TADA2A: variants seen among roughly 807,000 people sequenced by gnomAD.
TADA2A encodes the protein transcriptional adaptor 2A, also known as transcriptional adapter 2-alpha.
Under a neutral mutation model 67.4 loss-of-function variants are expected in TADA2A, and 38 were observed. That is an observed-to-expected ratio of 0.56 (90% CI 0.44 to 0.74). The LOEUF is 0.74. Among genes scored for constraint, TADA2A ranks in the 30% least tolerant of loss-of-function variants. The pLI is 0.00. For synonymous variants in TADA2A, 192 were observed against 181.6 expected (o/e 1.06, Z -0.46); for missense variants, 454 against 547.0 (o/e 0.83, Z 1.70).
intron 9 of TADA2A, among the ~76,000 whole-genome samples, chr17:37,459,247 CT>C (rs34871036): frequency 2.3e-4 from 34 of 146,134 alleles, no homozygotes; most frequent in Admixed American, 4.8e-4. Context: ...TATTGTTACA[CT>C]TTTTTTTTTT....
At chr17:37,465,781 C>T (rs771691672) in intron 11 of TADA2A, 6 of 604,670 alleles carry the variant, frequency 9.9e-6, no homozygotes, top group South Asian at 2.6e-5. Context: ...TTTCTCCCTA[C>T]TTTGTATCAT....
In TADA2A at chr17:37,414,530, CT is replaced by C. The variant is rs1327891277; in HGVS notation, c.25+3142del. ...TTCATCTACTAGAATATTTTTGCAT[CT>C]TGGCCCTTTTGGCTGACAGAACTAG... On this transcript the variant is annotated intron_variant, in intron 2 of 15. Coordinates refer to ENST00000615182, the MANE Select transcript of TADA2A (RefSeq NM_001166105.3). 8.5e-5 allele frequency among the ~76,000 whole-genome samples: 13 copies of C among 152,284 alleles called. 1 individual carries two copies. Among genetic ancestry groups the C allele is most frequent in the African/African-American group, 2.4e-4 (10 of 41,572 alleles).
intron 8 of TADA2A, among the ~76,000 whole-genome samples, chr17:37,452,896 G>A (rs1285612463): frequency 6.6e-6 from 1 of 152,086 alleles, no homozygotes; most frequent in African/African-American, 2.4e-5. Context: ...ATTTGAACTT[G>A]TTAGAAATGA....
chr17:37,425,629 A>T (rs1231684192), intron 3 of TADA2A, among the ~76,000 whole-genome samples: 1 of 152,102 alleles, frequency 6.6e-6, no homozygotes. Flanking sequence ...TTCGATTATA[A>T]GATGAATCTT....
In TADA2A at chr17:37,448,055, T is replaced by A. The variant is rs1319113390; in HGVS notation, c.604+3287T>A. Among the ~76,000 whole-genome samples the A allele has an allele frequency of 3.3e-5, 5 of 152,190 alleles. No homozygotes were observed. The East Asian group carries it at 9.6e-4, about 29-fold the overall frequency. Reference sequence around the variant, plus strand: ...GTCTCTAATGAAACATGGTACATAATTCAGATTTGTGTTGTTACCATTCCA... The same window carrying A: ...GTCTCTAATGAAACATGGTACATAAATCAGATTTGTGTTGTTACCATTCCA... On this transcript the variant is annotated intron_variant, in intron 8 of 15. Coordinates refer to ENST00000615182, the MANE Select transcript of TADA2A (RefSeq NM_001166105.3).
At chr17:37,424,642 T>C (rs1444602769) in intron 3 of TADA2A, among the ~76,000 whole-genome samples, 2 of 152,054 alleles carry the variant, frequency 1.3e-5, no homozygotes, top group Non-Finnish European at 2.9e-5. Context: ...CCGCAACCTC[T>C]GCCTCCCGGG....
chr17:37,461,991 T>C, intron 9 of TADA2A, 87 bp from the exon 10 acceptor site: 2 of 1,057,212 alleles, frequency 1.9e-6, no homozygotes, highest in Admixed American at 4.4e-5. Context: ...CTCAGCATGT[T>C]TATGTCTGAT....
chr17:37,462,313 T>G (rs990487344), intron 10 of TADA2A, among the ~76,000 whole-genome samples, 192 bp downstream of exon 10: 12 of 152,118 alleles, frequency 7.9e-5, no homozygotes, highest in Non-Finnish European at 1.0e-4. Context: ...AGGGCAATTC[T>G]GATCCATAGT....
Position 37,465,534 on chromosome 17 carries a change from C to T in TADA2A, c.816C>T (p.Ser272=), listed in dbSNP as rs1428297824. Residue 272 remains serine, a synonymous_variant, in exon 11 of 16, where the codon AGC becomes AGT. Transcript: ENST00000615182. ...TGGAACATGACAAATTCATTGAAAG[C>T]CATGCATGTAGGTGGTTTTTGAGCC... is the stretch of plus-strand genomic sequence containing the variant. ...GPVEHDKFIE[S]HALEFELRRE... 1.2e-6 allele frequency: 2 copies of T among 1,613,816 alleles called. No homozygotes were observed. The highest frequency in any genetic ancestry group is 4.5e-5 in the East Asian group (2 of 44,876).
chr17:37,454,782 A>G, intron 8 of TADA2A: 2 of 271,010 alleles, frequency 7.4e-6, no homozygotes, highest in Non-Finnish European at 7.8e-6. Context: ...GAAGTTAAAA[A>G]GGCTCAATGA....
intron 9 of TADA2A, among the ~76,000 whole-genome samples, chr17:37,459,048 G>GAGA (rs1004286880): frequency 1.3e-5 from 2 of 151,988 alleles, no homozygotes; most frequent in Admixed American, 6.6e-5. Flanking sequence ...TTTGACCTTG[G>GAGA]AGAAGACTCT....
intron 15 of TADA2A, among the ~76,000 whole-genome samples, chr17:37,475,164 TA>T (rs1294745094): frequency 2.0e-5 from 3 of 152,036 alleles, no homozygotes; most frequent in South Asian, 2.1e-4. Context: ...TTTTTATTTT[TA>T]TTTTTTTTTA....
intron 8 of TADA2A, among the ~76,000 whole-genome samples, chr17:37,450,154 G>C (rs2053193515): frequency 6.6e-6 from 1 of 152,156 alleles, no homozygotes; most frequent in Non-Finnish European, 1.5e-5. Flanking sequence ...AGCCGTCCTG[G>C]GCTGCATGTG....
chr17:37,459,965 C>G (rs1173543048), intron 9 of TADA2A, among the ~76,000 whole-genome samples: 2 of 151,444 alleles, frequency 1.3e-5, no homozygotes, highest in Non-Finnish European at 2.9e-5. Context: ...ACTCGGGAGG[C>G]TGAGGCAGGA....
intron 1 of TADA2A, among the ~76,000 whole-genome samples, chr17:37,409,424 C>T (rs1337751942): frequency 6.6e-6 from 1 of 152,110 alleles, no homozygotes; most frequent in African/African-American, 2.4e-5. Context: ...GGAAAATAGA[C>T]ATTCAGAAGT....
chr17:37,452,674 A>G (rs2053266840), intron 8 of TADA2A, among the ~76,000 whole-genome samples: 1 of 152,192 alleles, frequency 6.6e-6, no homozygotes, highest in South Asian at 2.1e-4. Flanking sequence ...CAACTGTGTT[A>G]TAAAACAGTG....
intron 4 of TADA2A, among the ~76,000 whole-genome samples, chr17:37,435,683 G>A (rs528265389): frequency 3.3e-5 from 5 of 152,084 alleles, no homozygotes; most frequent in Non-Finnish European, 7.4e-5. Flanking sequence ...GGGTTCAAGC[G>A]ATCCTCCTGC....
At chr17:37,410,554 A>T (rs1270542607) in intron 1 of TADA2A, among the ~76,000 whole-genome samples, 2 of 151,946 alleles carry the variant, frequency 1.3e-5, no homozygotes, top group Non-Finnish European at 2.9e-5. Context: ...AGTTACAGAA[A>T]CTCGTTCAGT....
chr17:37,431,944 GT>G (rs1202029246), intron 4 of TADA2A, among the ~76,000 whole-genome samples: 1 of 152,056 alleles, frequency 6.6e-6, no homozygotes, highest in Non-Finnish European at 1.5e-5. Context: ...ATTTCATTAG[GT>G]CTCTACGTAA....
Sources: allele counts gnomAD v4.1 joint callset (sites outside exome capture counted in the v4.1 genomes callset), GRCh38; gene constraint gnomAD v4.1.1; transcripts MANE v1.5; gene names NCBI Gene and HGNC (gene_info 2026-07-23, HGNC 2026-07-21).